RCAN2: variants seen among roughly 807,000 people sequenced by gnomAD.
RCAN2 encodes calcipressin-2.
A neutral mutation model predicts 23.6 loss-of-function variants in RCAN2; 9 were observed. The ratio of observed to expected loss-of-function variants is 0.38; its 90% CI spans 0.23 to 0.67. The LOEUF is 0.67. Ranked by LOEUF, RCAN2 falls within the 30% of genes least tolerant of loss-of-function variation. The pLI, the probability that RCAN2 is intolerant of heterozygous loss-of-function variation, is 0.51. For missense variants in RCAN2, 273 were observed against 302.3 expected (o/e 0.90, Z 0.72); for synonymous variants, 109 against 115.7 (o/e 0.94, Z 0.37).
rs917621947 is a variant in RCAN2, at chr6:46,479,484, C to T, written c.-3+11689G>A. 3.9e-5 allele frequency among the ~76,000 whole-genome samples: 6 copies of T among 152,100 alleles called. 1 individual carries two copies. In the South Asian group the frequency reaches 1.2e-3, roughly 32 times the overall value. On this transcript the variant is annotated intron_variant, in intron 1 of 4. Transcript: ENST00000371374. ...TGATGATGTTTTCCTAAAAGTAACC[C>T]TCCATTTTCATTATGGCTATGATAT...
chr6:46,390,827 G>A (rs923179981), intron 2 of RCAN2, among the ~76,000 whole-genome samples: 2 of 152,304 alleles, frequency 1.3e-5, no homozygotes, highest in Admixed American at 1.3e-4. Context: ...GTTACTTTCT[G>A]TCTGCCTCCT....
At chr6:46,318,532 C>T (rs1270140112) in intron 2 of RCAN2, among the ~76,000 whole-genome samples, 1 of 152,178 alleles carries the variant, frequency 6.6e-6, no homozygotes, top group Non-Finnish European at 1.5e-5. Flanking sequence ...GTCCCCTTCA[C>T]TCCCAGGGGA....
At chr6:46,372,080 C>A (rs929928585) in intron 2 of RCAN2, among the ~76,000 whole-genome samples, 1 of 152,118 alleles carries the variant, frequency 6.6e-6, no homozygotes, top group African/African-American at 2.4e-5. Context: ...GACTCTAATT[C>A]AAAATTAATT....
chr6:46,398,544 C>T (rs1039109052), intron 2 of RCAN2, among the ~76,000 whole-genome samples: 1 of 152,114 alleles, frequency 6.6e-6, no homozygotes, highest in African/African-American at 2.4e-5. Context: ...ACAAAGATGG[C>T]CACTGCCTAT....
At chr6:46,429,516 C>A (rs973553285) in intron 2 of RCAN2, among the ~76,000 whole-genome samples, 1 of 152,168 alleles carries the variant, frequency 6.6e-6, no homozygotes, top group Non-Finnish European at 1.5e-5. Flanking sequence ...AAAATATTAT[C>A]TTGAGAGTTA....
At chr6:46,265,686 G>T (rs1767303098) in intron 2 of RCAN2, among the ~76,000 whole-genome samples, 1 of 152,134 alleles carries the variant, frequency 6.6e-6, no homozygotes, top group Admixed American at 6.5e-5. Flanking sequence ...GTCAAAATAT[G>T]CAGGCCTTCT....
chr6:46,330,272 A>G (rs1032922967), intron 2 of RCAN2, among the ~76,000 whole-genome samples: 2 of 152,100 alleles, frequency 1.3e-5, no homozygotes, highest in African/African-American at 2.4e-5. Context: ...GGCCCCACCC[A>G]AGACTGAATC....
rs75386776 is a variant in RCAN2, at chr6:46,402,616, G to A, written c.225+54136C>T. Among the ~76,000 whole-genome samples the A allele has an allele frequency of 1.1e-4, 17 of 152,244 alleles. No homozygotes were observed. The East Asian group carries it at 2.1e-3, about 19-fold the overall frequency. On this transcript the variant is annotated intron_variant, in intron 2 of 4. Coordinates refer to ENST00000371374, the MANE Select transcript of RCAN2 (RefSeq NM_001251974.2). ...CCCCCATTGCAGAGAGGGTCCTGCC[G>A]CACACCCAGAAGGAAGGAACACTGC...
At chr6:46,302,835 A>C (rs1344552589) in intron 2 of RCAN2, among the ~76,000 whole-genome samples, 2 of 152,000 alleles carry the variant, frequency 1.3e-5, no homozygotes, top group Admixed American at 1.3e-4. Context: ...AAAAATTCTG[A>C]GGAGTTGGTG....
intron 2 of RCAN2, among the ~76,000 whole-genome samples, chr6:46,326,255 C>A (rs575111254): frequency 1.3e-5 from 2 of 152,290 alleles, no homozygotes; most frequent in East Asian, 3.9e-4. Context: ...AGCACCCTTC[C>A]AAGCTCAGGA....
At chr6:46,306,449 A>G (rs1441277784) in intron 2 of RCAN2, among the ~76,000 whole-genome samples, 1 of 151,960 alleles carries the variant, frequency 6.6e-6, no homozygotes, top group Non-Finnish European at 1.5e-5. Flanking sequence ...CAAAGTTACC[A>G]CCCTCCTAGC....
intron 2 of RCAN2, among the ~76,000 whole-genome samples, chr6:46,440,421 T>G (rs1331229760): frequency 6.6e-6 from 1 of 152,170 alleles, no homozygotes; most frequent in East Asian, 1.9e-4. Flanking sequence ...GTGTGCATGT[T>G]ATTCTAAAAA....
chr6:46,387,739 G>A (rs971602704), intron 2 of RCAN2, among the ~76,000 whole-genome samples: 25 of 152,146 alleles, frequency 1.6e-4, no homozygotes, highest in Non-Finnish European at 2.8e-4. Flanking sequence ...TTGACCCAGC[G>A]ATCCCATTAT....
chr6:46,442,003 T>C (rs1007934865), intron 2 of RCAN2, among the ~76,000 whole-genome samples: 1 of 152,214 alleles, frequency 6.6e-6, no homozygotes, highest in Admixed American at 6.5e-5. Context: ...GATGGTTACC[T>C]TGGAGGAGTT....
intron 2 of RCAN2, among the ~76,000 whole-genome samples, chr6:46,453,534 T>A (rs1767938976): frequency 1.3e-5 from 2 of 152,184 alleles, no homozygotes; most frequent in South Asian, 4.1e-4. Context: ...GAACTTAGAA[T>A]GTAAATAGGA....
At chr6:46,245,735 T>C (rs1582025264) in intron 4 of RCAN2, among the ~76,000 whole-genome samples, 1 of 152,202 alleles carries the variant, frequency 6.6e-6, no homozygotes, top group African/African-American at 2.4e-5. Flanking sequence ...AATGTACTGA[T>C]ACCTGAACTT....
At chr6:46,354,205 C>CTCTGTGTG (rs1382265750) in intron 2 of RCAN2, among the ~76,000 whole-genome samples, 14 of 133,070 alleles carry the variant, frequency 1.1e-4, no homozygotes, top group African/African-American at 4.0e-4. Flanking sequence ...TGTTATTTTA[C>CTCTGTGTG]TGTGTGTGTG....
At chr6:46,339,013 T>TCAAAAA (rs1764224692) in intron 2 of RCAN2, among the ~76,000 whole-genome samples, 1 of 27,896 alleles carries the variant, frequency 3.6e-5, no homozygotes, top group Non-Finnish European at 8.6e-5. Context: ...AGACCCTGTC[T>TCAAAAA]CAAAAAAAAA....
At chr6:46,347,025 G>A (rs1183941981) in intron 2 of RCAN2, among the ~76,000 whole-genome samples, 5 of 151,862 alleles carry the variant, frequency 3.3e-5, no homozygotes, top group African/African-American at 4.8e-5. Flanking sequence ...ACAGGCACCC[G>A]CCACCACGCC....
Sources: allele counts gnomAD v4.1 joint callset (sites outside exome capture counted in the v4.1 genomes callset), GRCh38; gene constraint gnomAD v4.1.1; transcripts MANE v1.5; gene names NCBI Gene and HGNC (gene_info 2026-07-23, HGNC 2026-07-21).